Variants in DAB1 observed in about 807,000 individuals in gnomAD.
DAB1 encodes disabled homolog 1.
DAB1 carries 15 observed loss-of-function variants against 64.6 expected under a neutral mutation model. The ratio of observed to expected loss-of-function variants is 0.23; its 90% CI spans 0.16 to 0.36. DAB1 has a LOEUF of 0.36. Ranked by LOEUF, DAB1 falls within the 10% of genes least tolerant of loss-of-function variation. The pLI is 1.00. For missense variants in DAB1, 596 were observed against 706.7 expected (o/e 0.84, Z 1.78); for synonymous variants, 235 against 251.9 (o/e 0.93, Z 0.64).
intron 7 of DAB1, among the ~76,000 whole-genome samples, chr1:57,506,077 C>T (rs1287771877): frequency 2.0e-5 from 3 of 152,188 alleles, no homozygotes; most frequent in Non-Finnish European, 4.4e-5. Context: ...GTTTTCACTG[C>T]ATTTTTGGCT....
chr1:58,356,409 TAAC>T (rs1644112035), intron 3 of DAB1, among the ~76,000 whole-genome samples: 2 of 152,186 alleles, frequency 1.3e-5, no homozygotes, highest in South Asian at 4.1e-4. Context: ...GCATACATAA[TAAC>T]AAACAAACAA....
chr1:57,919,931 G>A (rs546630979), intron 5 of DAB1, among the ~76,000 whole-genome samples: 1 of 152,240 alleles, frequency 6.6e-6, no homozygotes, highest in South Asian at 2.1e-4. Flanking sequence ...TCCAAATAAA[G>A]GCCTAGGGGA....
intron 1 of DAB1, among the ~76,000 whole-genome samples, chr1:57,849,936 G>C (rs189290679): frequency 6.6e-6 from 1 of 152,318 alleles, no homozygotes; most frequent in Admixed American, 6.5e-5. Context: ...ATGTGTAAGG[G>C]AGAGATTTTA....
intron 5 of DAB1, among the ~76,000 whole-genome samples, chr1:58,138,753 G>A (rs1289548952): frequency 1.3e-5 from 2 of 152,176 alleles, no homozygotes; most frequent in Non-Finnish European, 2.9e-5. Flanking sequence ...ATTTAAGTGG[G>A]TAATGTTTAT....
At chr1:57,903,028 C>T (rs1490836870) in intron 5 of DAB1, among the ~76,000 whole-genome samples, 4 of 152,098 alleles carry the variant, frequency 2.6e-5, no homozygotes, top group African/African-American at 9.7e-5. Flanking sequence ...TCCATGTTGG[C>T]AGGCAGGAGA....
chr1:57,026,809 G>A (rs1384764465), intron 9 of DAB1, among the ~76,000 whole-genome samples: 2 of 152,148 alleles, frequency 1.3e-5, no homozygotes, highest in Non-Finnish European at 2.9e-5. Flanking sequence ...GAGTGTCTGA[G>A]CAAGGCCAGC....
intron 4 of DAB1, among the ~76,000 whole-genome samples, chr1:58,227,771 ACT>A (rs1659567486): frequency 6.6e-6 from 1 of 152,086 alleles, no homozygotes. Flanking sequence ...TCTTCCACTC[ACT>A]GTTTCTCCCC....
chr1:58,268,241 T>C (rs1240557610), intron 4 of DAB1, among the ~76,000 whole-genome samples: 2 of 152,166 alleles, frequency 1.3e-5, no homozygotes, highest in African/African-American at 4.8e-5. Flanking sequence ...TTATAAAATG[T>C]ACACAATAAA....
intron 9 of DAB1, among the ~76,000 whole-genome samples, chr1:57,042,482 T>C (rs1161791786): frequency 6.6e-6 from 1 of 152,110 alleles, no homozygotes; most frequent in Non-Finnish European, 1.5e-5. Flanking sequence ...TCAGGATGGA[T>C]TAGATGACTA....
chr1:58,220,648 C>A (rs986308021), intron 4 of DAB1, among the ~76,000 whole-genome samples: 1 of 152,034 alleles, frequency 6.6e-6, no homozygotes, highest in Non-Finnish European at 1.5e-5. Context: ...GAACTTAGGG[C>A]CTTTCCAGCT....
chr1:58,091,935 AAC>A (rs59390109), intron 5 of DAB1, among the ~76,000 whole-genome samples: 7,458 of 141,466 alleles, frequency 0.053, 243 homozygotes, highest in African/African-American at 0.092. Flanking sequence ...AGCTGCATTA[AAC>A]ACACACACAC....
chr1:58,292,377 C>T (rs1354012561), intron 4 of DAB1, among the ~76,000 whole-genome samples: 1 of 152,140 alleles, frequency 6.6e-6, no homozygotes, highest in East Asian at 1.9e-4. Context: ...ATCATCAAAA[C>T]TGTTAAAATA....
intron 2 of DAB1, among the ~76,000 whole-genome samples, chr1:57,241,831 G>A (rs936043664): frequency 1.3e-5 from 2 of 152,052 alleles, no homozygotes; most frequent in African/African-American, 2.4e-5. Context: ...AACACTTATC[G>A]TTCATATGTC....
intron 3 of DAB1, among the ~76,000 whole-genome samples, chr1:58,454,332 C>T (rs1645169529): frequency 6.6e-6 from 1 of 152,154 alleles, no homozygotes; most frequent in Admixed American, 6.5e-5. Flanking sequence ...GGAGCAACTG[C>T]AGTTTGGGGG....
intron 1 of DAB1, among the ~76,000 whole-genome samples, chr1:57,356,227 G>C: frequency 6.6e-6 from 1 of 152,076 alleles, no homozygotes; most frequent in Non-Finnish European, 1.5e-5. Context: ...CCTTTTCAAA[G>C]ACAGTAAAAC....
chr1:57,105,723 C>T (rs1655083771), intron 4 of DAB1, among the ~76,000 whole-genome samples: 1 of 152,196 alleles, frequency 6.6e-6, no homozygotes, highest in Non-Finnish European at 1.5e-5. Flanking sequence ...CAAAGACAGC[C>T]TCCAGAACCC....
Position 56,994,875 on chromosome 1 carries a change from T to A in DAB1, c.*3269A>T, listed in dbSNP as rs552479048. The A allele has an allele frequency of 6.6e-6, 1 of 152,350 alleles. No individual in the cohort carries two copies. The highest frequency in any genetic ancestry group is 6.5e-5 in the Admixed American group (1 of 15,304). The allele number at this position is 152,350 out of a possible 1,614,324, so 9.4% of individuals were successfully genotyped here. A position where few individuals can be genotyped will look rare whatever the true frequency, so the allele number is the denominator to read the frequency against. On this transcript the variant is annotated 3_prime_UTR_variant, in exon 15 of 15. Transcript: ENST00000371236. The stretch of plus-strand genomic sequence containing the variant: ...AAATTTTGCTGTTCTGTTGAATGCA[T>A]TGTACATAAAGTTAAAAATAATGTG...
chr1:57,046,647 T>A (rs1648533042), intron 9 of DAB1, among the ~76,000 whole-genome samples: 1 of 152,212 alleles, frequency 6.6e-6, no homozygotes. Flanking sequence ...ATGTTAATGA[T>A]CTGTATTACA....
chr1:57,035,393 C>T (rs1421874091), intron 9 of DAB1, among the ~76,000 whole-genome samples: 1 of 152,122 alleles, frequency 6.6e-6, no homozygotes, highest in Non-Finnish European at 1.5e-5. Context: ...TAAAACCCCC[C>T]ACCATGTCCC....
Sources: allele counts gnomAD v4.1 joint callset (sites outside exome capture counted in the v4.1 genomes callset), GRCh38; gene constraint gnomAD v4.1.1; transcripts MANE v1.5; gene names NCBI Gene and HGNC (gene_info 2026-07-23, HGNC 2026-07-21).